ACACB: variants seen among roughly 807,000 people sequenced by gnomAD.
ACACB encodes the protein acetyl-CoA carboxylase beta.
ACACB carries 209 observed loss-of-function variants against 278.8 expected under a neutral mutation model. That is an observed-to-expected ratio of 0.75 (90% CI 0.67 to 0.84). ACACB has a LOEUF of 0.84. ACACB is among the 40% of genes least tolerant of loss of function. ACACB has a pLI of 0.00. For synonymous variants in ACACB, 1,174 were observed against 1,285.6 expected, an observed-to-expected ratio of 0.91 and a Z score of 1.86; for missense variants, 2,850 against 3,269.0, an observed-to-expected ratio of 0.87 and a Z score of 3.13.
In ACACB at chr12:109,265,227, C is replaced by T; in HGVS notation, c.7060C>T (p.His2354Tyr). 1.9e-6 allele frequency: 3 copies of T among 1,613,638 alleles called. No homozygotes were observed. Among genetic ancestry groups the T allele is most frequent in the South Asian group, 1.1e-5 (1 of 91,078 alleles). The change falls in exon 51 of 53, where the codon CAT (histidine) becomes TAT (tyrosine). Residue 2354 changes from histidine to tyrosine, a missense_variant. Coordinates refer to ENST00000338432, the MANE Select transcript of ACACB (RefSeq NM_001093.4). ...GGCCAGCGGGGAGCTGAGTCACGTG[C>T]ATATCCAGTCCATGCTGCGTCGCTG... ...LQASGELSHV[H>Y]IQSMLRRWFV... is the part of the protein sequence containing the mutation.
At chr12:109,207,645 TAAC>T (rs2045561580) in intron 20 of ACACB, among the ~76,000 whole-genome samples, 1 of 152,190 alleles carries the variant, frequency 6.6e-6, no homozygotes. Flanking sequence ...ATGACGATAA[TAAC>T]CGCCAACCCT....
At chr12:109,189,830 G>T (rs1391770351) in intron 13 of ACACB, among the ~76,000 whole-genome samples, 1 of 152,168 alleles carries the variant, frequency 6.6e-6, no homozygotes, top group Non-Finnish European at 1.5e-5. Flanking sequence ...AGCTTACTCG[G>T]CCAGGCACAG....
intron 33 of ACACB, among the ~76,000 whole-genome samples, chr12:109,236,959 C>A (rs1263468561): frequency 1.3e-5 from 2 of 152,098 alleles, no homozygotes; most frequent in East Asian, 3.9e-4. Flanking sequence ...ATGCCCATAG[C>A]TCTCCTCAGA....
chr12:109,224,468 C>G (rs2046261080), intron 27 of ACACB, among the ~76,000 whole-genome samples: 1 of 151,544 alleles, frequency 6.6e-6, no homozygotes, highest in African/African-American at 2.4e-5. Flanking sequence ...TTCAGGTCTT[C>G]TTGAATTCAG....
At chr12:109,235,531 C>A in intron 32 of ACACB, 75 bp from the exon 33 acceptor site, 2 of 1,463,186 alleles carry the variant, frequency 1.4e-6, no homozygotes, top group South Asian at 1.2e-5. Context: ...CGTTTACAAT[C>A]ACTAAATAAG....
chr12:109,212,071 G>A (rs997460381), intron 21 of ACACB, among the ~76,000 whole-genome samples: 1 of 152,194 alleles, frequency 6.6e-6, no homozygotes, highest in Non-Finnish European at 1.5e-5. Context: ...GGTATAAGGC[G>A]AATGTGTGCA....
rs139169706 is a variant in ACACB at position 109,140,304 on chromosome 12, T to A, written c.653+246T>A. Among the ~76,000 whole-genome samples the A allele has an allele frequency of 1.8e-4, 24 of 134,434 alleles. 2 individuals carry two copies. The East Asian group carries it at 4.1e-3, about 23-fold the overall frequency. 88.2% of individuals were successfully genotyped at this position (134,434 alleles called of 152,430 possible). A position where few individuals can be genotyped will look rare whatever the true frequency, so the allele number is the denominator to read the frequency against. ...CTTCCTTCCTTCCTTCCTTCCTTCC[T>A]TCCTTCCTTCCTTCCTTCCTTCCTT... is the stretch of plus-strand genomic sequence containing the variant. On this transcript the variant is annotated intron_variant, in intron 2 of 52. Transcript: ENST00000338432.
chr12:109,207,245 C>T (rs1186683428), intron 20 of ACACB, among the ~76,000 whole-genome samples: 1 of 152,204 alleles, frequency 6.6e-6, no homozygotes, highest in South Asian at 2.1e-4. Flanking sequence ...CCTGAGCCAC[C>T]GCACCCAGCC....
intron 13 of ACACB, among the ~76,000 whole-genome samples, 170 bp downstream of exon 13, chr12:109,188,332 C>T (rs1183477126): frequency 6.7e-6 from 1 of 148,372 alleles, no homozygotes; most frequent in Non-Finnish European, 1.5e-5. Context: ...CCTTCCCTTC[C>T]ATTGCCTTCC....
intron 1 of ACACB, among the ~76,000 whole-genome samples, chr12:109,138,570 TA>T (rs35532847): frequency 0.16 from 24,312 of 149,746 alleles, 2,971 homozygotes; most frequent in East Asian, 0.38. Flanking sequence ...TAAGAGTCTT[TA>T]AAAAAAAAAA....
intron 37 of ACACB, 159 bp downstream of exon 37, chr12:109,242,751 G>T: frequency 1.3e-6 from 1 of 784,432 alleles, no homozygotes; most frequent in Non-Finnish European, 1.9e-6. Context: ...ACTTCGGGAG[G>T]CCGAGGAGGG....
chr12:109,157,534 G>A (rs1164279461), intron 2 of ACACB, among the ~76,000 whole-genome samples: 1 of 152,146 alleles, frequency 6.6e-6, no homozygotes, highest in Non-Finnish European at 1.5e-5. Flanking sequence ...GCTTCCCAAA[G>A]TGCTGGGATT....
chr12:109,211,684 T>G (rs531988738), intron 21 of ACACB, among the ~76,000 whole-genome samples: 2 of 152,326 alleles, frequency 1.3e-5, no homozygotes, highest in Admixed American at 1.3e-4. Flanking sequence ...GGTTTCTTTT[T>G]AGAGTGACGA....
intron 2 of ACACB, among the ~76,000 whole-genome samples, chr12:109,161,812 C>T (rs2043734458): frequency 6.6e-6 from 1 of 151,670 alleles, no homozygotes; most frequent in African/African-American, 2.4e-5. Flanking sequence ...AAATTAATAG[C>T]TTTTTTCTTA....
chr12:109,175,216 A>C lies in ACACB; in HGVS notation c.1217-715A>C, dbSNP rs2136201065. Among the ~76,000 whole-genome samples, 3 of 151,540 alleles carry C rather than the reference A, an allele frequency of 2.0e-5. 1 individual carries two copies. The South Asian group carries it at 6.3e-4, about 32-fold the overall frequency. On this transcript the variant is annotated intron_variant, in intron 7 of 52. Coordinates refer to ENST00000338432, the MANE Select transcript of ACACB (RefSeq NM_001093.4). ...AGGACCGTCTCAAAAGTTTCCTATTAAATTTGTTTTTTTTTCCCCCCCCAA... is the reference window on the plus strand; with the variant it reads ...AGGACCGTCTCAAAAGTTTCCTATTCAATTTGTTTTTTTTTCCCCCCCCAA...
chr12:109,243,338 C>T (rs1455303302), intron 37 of ACACB, among the ~76,000 whole-genome samples: 2 of 152,148 alleles, frequency 1.3e-5, no homozygotes, highest in African/African-American at 2.4e-5. Context: ...GTGGCTCACG[C>T]CTGTAATCCC....
At chr12:109,196,044 C>T (rs1179257505) in intron 16 of ACACB, among the ~76,000 whole-genome samples, 2 of 152,120 alleles carry the variant, frequency 1.3e-5, no homozygotes, top group East Asian at 1.9e-4. Flanking sequence ...ATACACATTC[C>T]TCTATTTCTT....
At chr12:109,211,342 CT>C (rs35008047) in intron 21 of ACACB, among the ~76,000 whole-genome samples, 23,995 of 109,984 alleles carry the variant, frequency 0.22, 1,498 homozygotes, top group African/African-American at 0.24. Flanking sequence ...TGTGATTCCT[CT>C]TTTTTTTTTT....
chr12:109,165,452 G>C (rs1292256861), intron 2 of ACACB, among the ~76,000 whole-genome samples: 1 of 152,158 alleles, frequency 6.6e-6, no homozygotes, highest in Non-Finnish European at 1.5e-5. Context: ...GCCTCCCGAA[G>C]TGCTGGGATT....
Sources: allele counts gnomAD v4.1 joint callset (sites outside exome capture counted in the v4.1 genomes callset), GRCh38; gene constraint gnomAD v4.1.1; transcripts MANE v1.5; gene names NCBI Gene and HGNC (gene_info 2026-07-23, HGNC 2026-07-21).